SLC14A2: variants seen among roughly 807,000 people sequenced by gnomAD.
The protein encoded by SLC14A2 is solute carrier family 14 member 2.
A neutral mutation model predicts 104.6 loss-of-function variants in SLC14A2; 91 were observed. That is an observed-to-expected ratio of 0.87 (90% CI 0.73 to 1.04). The LOEUF is 1.04. Among genes scored for constraint, SLC14A2 ranks in the 50% least tolerant of loss-of-function variants. SLC14A2 has a pLI of 0.00. For synonymous variants in SLC14A2, 476 were observed against 466.4 expected (o/e 1.02, Z -0.27); for missense variants, 1,189 against 1,156.0 (o/e 1.03, Z -0.41).
At chr18:45,193,121 T>G in the SLC14A2 span, among the ~76,000 whole-genome samples, 1 of 152,370 alleles carries the variant, frequency 6.6e-6, no homozygotes, top group Admixed American at 6.5e-5. Flanking sequence ...GAATTCTTTA[T>G]ATATTCTGAA....
chr18:45,296,467 T>A (rs1047684974), intron 1 of SLC14A2, among the ~76,000 whole-genome samples: 1 of 152,240 alleles, frequency 6.6e-6, no homozygotes, highest in Admixed American at 6.5e-5. Flanking sequence ...GATGTGAAGC[T>A]AACCTGGTTA....
chr18:45,340,583 A>G (rs1444338253), intron 1 of SLC14A2, among the ~76,000 whole-genome samples: 1 of 152,240 alleles, frequency 6.6e-6, no homozygotes, highest in Non-Finnish European at 1.5e-5. Flanking sequence ...AATTCAAGGT[A>G]TATTTGCTCT....
At chr18:45,680,595 A>T (rs939524268) in intron 19 of SLC14A2, among the ~76,000 whole-genome samples, 1 of 152,214 alleles carries the variant, frequency 6.6e-6, no homozygotes, top group African/African-American at 2.4e-5. Flanking sequence ...TAAGTGGCAC[A>T]TGTATATACA....
intron 1 of SLC14A2, among the ~76,000 whole-genome samples, chr18:45,481,194 T>C (rs973873258): frequency 6.6e-6 from 1 of 152,022 alleles, no homozygotes; most frequent in Non-Finnish European, 1.5e-5. Context: ...AGGACAGGCA[T>C]TTTATGTGTC....
intron 2 of SLC14A2, among the ~76,000 whole-genome samples, chr18:45,490,597 T>G (rs781213672): frequency 6.6e-6 from 1 of 152,164 alleles, no homozygotes; most frequent in Non-Finnish European, 1.5e-5. Flanking sequence ...ATCAATAAAT[T>G]TGACTATGTT....
chr18:45,602,705 TCTC>T (rs1249815538), intron 2 of SLC14A2, among the ~76,000 whole-genome samples: 2 of 152,326 alleles, frequency 1.3e-5, no homozygotes, highest in East Asian at 3.9e-4. Flanking sequence ...TTCAAAGAAT[TCTC>T]CTCTTTTTGT....
At chr18:45,363,480 G>T (rs1403442150) in intron 1 of SLC14A2, among the ~76,000 whole-genome samples, 1 of 152,134 alleles carries the variant, frequency 6.6e-6, no homozygotes, top group African/African-American at 2.4e-5. Flanking sequence ...GCCACTGGGG[G>T]ATCTAAAAAG....
intron 2 of SLC14A2, among the ~76,000 whole-genome samples, chr18:45,571,659 A>G (rs1365952545): frequency 2.0e-5 from 3 of 152,188 alleles, no homozygotes; most frequent in Non-Finnish European, 2.9e-5. Context: ...GCTCCGCTCA[A>G]CGGGGCCCAC....
intron 1 of SLC14A2, among the ~76,000 whole-genome samples, chr18:45,276,770 C>G (rs1352353596): frequency 6.6e-6 from 1 of 152,132 alleles, no homozygotes; most frequent in Non-Finnish European, 1.5e-5. Context: ...TGGTCTGCAA[C>G]CTCCAATGCA....
the SLC14A2 span, among the ~76,000 whole-genome samples, chr18:45,195,001 C>A: frequency 2.6e-5 from 4 of 152,048 alleles, no homozygotes; most frequent in African/African-American, 7.2e-5. Flanking sequence ...TGGCTTCAGG[C>A]GTGAATGGGC....
intron 1 of SLC14A2, among the ~76,000 whole-genome samples, chr18:45,280,577 T>A (rs1283674801): frequency 2.0e-5 from 3 of 152,102 alleles, no homozygotes; most frequent in African/African-American, 7.2e-5. Context: ...GGGTGATGTG[T>A]CTACAGGTCC....
At chr18:45,290,348 T>C (rs934493799) in intron 1 of SLC14A2, among the ~76,000 whole-genome samples, 2 of 152,186 alleles carry the variant, frequency 1.3e-5, no homozygotes, top group African/African-American at 4.8e-5. Context: ...GTGCCCACAT[T>C]GTTAAAAGCA....
chr18:45,673,535 T>C, intron 17 of SLC14A2, 148 bp from the exon 18 acceptor site: 7 of 816,446 alleles, frequency 8.6e-6, no homozygotes, highest in African/African-American at 3.4e-5. Context: ...TAGATGTTTT[T>C]TCACAGAATA....
chr18:45,473,219 C>G (rs537514452), intron 1 of SLC14A2, among the ~76,000 whole-genome samples: 9 of 152,268 alleles, frequency 5.9e-5, no homozygotes, highest in African/African-American at 2.2e-4. Flanking sequence ...GGCCTCTGTT[C>G]TGTTCCATTG....
Position 45,643,972 on chromosome 18 carries a change from G to A in SLC14A2, c.1177-14G>A, listed in dbSNP as rs778726234. 6.8e-6 allele frequency: 11 copies of A among 1,612,756 alleles called. No homozygotes were observed. The highest frequency in any genetic ancestry group is 6.8e-6 in the Non-Finnish European group (8 of 1,179,144). On this transcript the variant is annotated splice_polypyrimidine_tract_variant and intron_variant, in intron 9 of 19. Coordinates refer to ENST00000255226, the MANE Select transcript of SLC14A2 (RefSeq NM_007163.4). ...CTAGGAAACTTCTTCAGTCCCCAAT[G>A]CTTTTGTTTCCAGGTGGGCGTGCCA...
At chr18:45,598,177 G>C (rs890578357) in intron 2 of SLC14A2, among the ~76,000 whole-genome samples, 2 of 152,176 alleles carry the variant, frequency 1.3e-5, no homozygotes, top group Non-Finnish European at 2.9e-5. Context: ...TCAAAATGGA[G>C]CCAGCCAGCC....
intron 1 of SLC14A2, among the ~76,000 whole-genome samples, chr18:45,397,725 C>G (rs1365245498): frequency 2.0e-5 from 3 of 151,862 alleles, no homozygotes; most frequent in Non-Finnish European, 4.4e-5. Flanking sequence ...AGTTAACCTG[C>G]TTTATTTGAA....
intron 1 of SLC14A2, among the ~76,000 whole-genome samples, chr18:45,406,641 A>G (rs1169472018): frequency 6.6e-6 from 1 of 152,226 alleles, no homozygotes; most frequent in Non-Finnish European, 1.5e-5. Flanking sequence ...TTCTTAAATA[A>G]TAAAACTTGA....
intron 1 of SLC14A2, among the ~76,000 whole-genome samples, chr18:45,467,758 C>G (rs751027337): frequency 6.6e-6 from 1 of 152,122 alleles, no homozygotes; most frequent in Non-Finnish European, 1.5e-5. Context: ...TCCAGGACAT[C>G]GGTAAATGTT....
Sources: gnomAD v4.1 joint callset for allele counts (sites outside exome capture counted in the v4.1 genomes callset) on GRCh38, gnomAD v4.1.1 for gene constraint, MANE v1.5 for transcripts, NCBI Gene and HGNC (gene_info 2026-07-23, HGNC 2026-07-21) for gene names.